Variants in CSMD1 observed in about 807,000 individuals in gnomAD.
The protein encoded by CSMD1 is CUB and sushi domain-containing protein 1.
A neutral mutation model predicts 417.5 loss-of-function variants in CSMD1; 213 were observed. The ratio of observed to expected loss-of-function variants is 0.51; its 90% CI spans 0.46 to 0.57. CSMD1 has a LOEUF of 0.57. Ranked by LOEUF, CSMD1 falls within the 20% of genes least tolerant of loss-of-function variation. The pLI is 0.00. For missense variants in CSMD1, 6,923 were observed against 4,529.7 expected, an observed-to-expected ratio of 1.53 and a Z score of -15.17; for synonymous variants, 2,862 against 1,736.8, an observed-to-expected ratio of 1.65 and a Z score of -16.11.
chr8:3,603,962 A>G (rs902135003), intron 8 of CSMD1, among the ~76,000 whole-genome samples: 5 of 152,236 alleles, frequency 3.3e-5, no homozygotes, highest in African/African-American at 1.2e-4. Flanking sequence ...TGTTCTTACA[A>G]GTTTACCTGT....
chr8:4,227,883 C>A (rs1585057816), intron 3 of CSMD1, among the ~76,000 whole-genome samples: 1 of 150,424 alleles, frequency 6.6e-6, no homozygotes, highest in East Asian at 2.0e-4. Flanking sequence ...CTACATTCAA[C>A]CCCACACTTG....
At chr8:3,744,922 C>CT (rs1796993451) in intron 6 of CSMD1, among the ~76,000 whole-genome samples, 1 of 152,144 alleles carries the variant, frequency 6.6e-6, no homozygotes, top group Non-Finnish European at 1.5e-5. Context: ...GGGCCTGAAG[C>CT]AGACTGAGGT....
intron 3 of CSMD1, among the ~76,000 whole-genome samples, chr8:4,146,421 A>T (rs147261626): frequency 2.7e-5 from 4 of 150,362 alleles, no homozygotes; most frequent in East Asian, 1.9e-4. Context: ...GACTCCAAAG[A>T]CGTGTACCCA....
chr8:4,178,329 C>A (rs1191491659), intron 3 of CSMD1, among the ~76,000 whole-genome samples: 1 of 151,170 alleles, frequency 6.6e-6, no homozygotes, highest in Non-Finnish European at 1.5e-5. Flanking sequence ...AAGACAAAAA[C>A]CACATGATTA....
At chr8:2,956,035 C>T (rs1802987128) in intron 63 of CSMD1, among the ~76,000 whole-genome samples, 1 of 151,962 alleles carries the variant, frequency 6.6e-6, no homozygotes, top group Admixed American at 6.6e-5. Context: ...GCCACTACAC[C>T]CATCCTATAT....
At chr8:3,786,010 G>C (rs372729383) in intron 5 of CSMD1, among the ~76,000 whole-genome samples, 6 of 152,164 alleles carry the variant, frequency 3.9e-5, no homozygotes, top group Non-Finnish European at 8.8e-5. Flanking sequence ...GGGCTGGTGG[G>C]CATTGGGGTG....
At chr8:3,984,753 T>TGTA (rs1563284959) in intron 5 of CSMD1, among the ~76,000 whole-genome samples, 1 of 58,454 alleles carries the variant, frequency 1.7e-5, no homozygotes, top group Non-Finnish European at 3.5e-5. Flanking sequence ...ATATATATAT[T>TGTA]TGTATGTATT....
At chr8:3,916,236 G>A (rs1314038491) in intron 5 of CSMD1, among the ~76,000 whole-genome samples, 1 of 152,054 alleles carries the variant, frequency 6.6e-6, no homozygotes, top group Admixed American at 6.6e-5. Flanking sequence ...CATTTATGAG[G>A]TGTAACGAAA....
At chr8:3,667,495 G>C (rs1404006111) in intron 7 of CSMD1, among the ~76,000 whole-genome samples, 2 of 152,098 alleles carry the variant, frequency 1.3e-5, no homozygotes, top group Non-Finnish European at 1.5e-5. Flanking sequence ...GGCCAGGGTG[G>C]CTGGAGCCAA....
intron 4 of CSMD1, among the ~76,000 whole-genome samples, chr8:4,020,210 G>T (rs547716099): frequency 4.6e-5 from 7 of 152,200 alleles, no homozygotes; most frequent in Admixed American, 2.6e-4. Flanking sequence ...AAATCTTGAG[G>T]CCAGACAGAT....
At chr8:3,645,997 C>T (rs573648005) in intron 7 of CSMD1, among the ~76,000 whole-genome samples, 35 of 151,478 alleles carry the variant, frequency 2.3e-4, no homozygotes, top group African/African-American at 6.5e-4. Context: ...TTGTATTTAT[C>T]GCAATTTCTG....
In CSMD1 at chr8:2,972,601, C is replaced by T. The variant is rs146471093; in HGVS notation, c.8923+516G>A. ...TACTGGAGCATACCACCACTTCCTA[C>T]GATGCCTCTCAAACATTAGAATCAA... On this transcript the variant is annotated intron_variant, in intron 57 of 69. Transcript: ENST00000635120. 5.4e-3 allele frequency among the ~76,000 whole-genome samples: 828 copies of T among 152,264 alleles called. 10 individuals are homozygous for T. The highest frequency in any genetic ancestry group is 7.2e-3 in the Non-Finnish European group (491 of 68,004).
At chr8:3,643,357 G>C (rs1409804125) in intron 7 of CSMD1, among the ~76,000 whole-genome samples, 3 of 152,054 alleles carry the variant, frequency 2.0e-5, no homozygotes, top group Admixed American at 1.3e-4. Flanking sequence ...TGAAGAAATG[G>C]GGTTTACAAG....
chr8:3,695,030 T>C lies in CSMD1; in HGVS notation c.1009+13384A>G, dbSNP rs541068258. 1.5e-3 allele frequency among the ~76,000 whole-genome samples: 231 copies of C among 151,042 alleles called. 2 individuals carry two copies. The highest frequency in any genetic ancestry group is 5.3e-3 in the African/African-American group (219 of 41,106). ...ATTAGACGAAGACATGAAAGGGAATTTGGAAGAGAAAAAGTCACGTGGAAG... is the reference window on the plus strand; with the variant it reads ...ATTAGACGAAGACATGAAAGGGAATCTGGAAGAGAAAAAGTCACGTGGAAG... On this transcript the variant is annotated intron_variant, in intron 7 of 69. Coordinates refer to ENST00000635120, the MANE Select transcript of CSMD1 (RefSeq NM_033225.6).
intron 52 of CSMD1, among the ~76,000 whole-genome samples, chr8:3,010,409 T>G (rs1808294073): frequency 1.3e-5 from 2 of 152,216 alleles, no homozygotes; most frequent in African/African-American, 2.4e-5. Flanking sequence ...CTAGAGCGGG[T>G]GTCAGAGTTA....
chr8:3,570,928 T>A (rs2116919652), intron 10 of CSMD1, among the ~76,000 whole-genome samples: 1 of 152,298 alleles, frequency 6.6e-6, no homozygotes, highest in Non-Finnish European at 1.5e-5. Flanking sequence ...TTCTAGTATG[T>A]GTAGGAAAAT....
chr8:2,963,519 A>T, intron 59 of CSMD1, 124 bp from the exon 60 acceptor site: 1 of 943,410 alleles, frequency 1.1e-6, no homozygotes, highest in Non-Finnish European at 1.6e-6. Context: ...TTTAAAAAAA[A>T]ATAATAAAAG....
intron 3 of CSMD1, among the ~76,000 whole-genome samples, chr8:4,334,170 G>C (rs1800028116): frequency 6.6e-6 from 1 of 152,092 alleles, no homozygotes; most frequent in Non-Finnish European, 1.5e-5. Context: ...GCTTCCCAAA[G>C]TGCTGGGATT....
intron 5 of CSMD1, among the ~76,000 whole-genome samples, chr8:3,880,579 C>A (rs545692770): frequency 1.3e-5 from 2 of 152,264 alleles, no homozygotes; most frequent in South Asian, 4.1e-4. Context: ...CAGTTATCTT[C>A]CACTACACAA....
Sources: gnomAD v4.1 joint callset for allele counts (sites outside exome capture counted in the v4.1 genomes callset) on GRCh38, gnomAD v4.1.1 for gene constraint, MANE v1.5 for transcripts, NCBI Gene and HGNC (gene_info 2026-07-23, HGNC 2026-07-21) for gene names.